EYA1: variants seen among roughly 807,000 people sequenced by gnomAD.
EYA1 encodes protein phosphatase EYA1.
A neutral mutation model predicts 82.0 loss-of-function variants in EYA1; 16 were observed. The ratio of observed to expected loss-of-function variants is 0.20; its 90% CI spans 0.13 to 0.30. The LOEUF is 0.30. EYA1 is among the 10% of genes least tolerant of loss of function. The pLI, the probability that EYA1 is intolerant of heterozygous loss-of-function variation, is 1.00. For synonymous variants in EYA1, 261 were observed against 264.4 expected (o/e 0.99, Z 0.12); for missense variants, 633 against 730.7 (o/e 0.87, Z 1.54).
intron 1 of EYA1, among the ~76,000 whole-genome samples, chr8:71,536,462 G>C (rs1814721779): frequency 6.6e-6 from 1 of 152,084 alleles, no homozygotes. Context: ...TCAAAACATG[G>C]ACAGTAAATG....
chr8:71,465,759 G>GCA (rs1489594979), intron 2 of EYA1, among the ~76,000 whole-genome samples: 2 of 152,136 alleles, frequency 1.3e-5, no homozygotes, highest in Non-Finnish European at 2.9e-5. Context: ...AATTCGTGTT[G>GCA]AAATTTAATT....
intron 9 of EYA1, among the ~76,000 whole-genome samples, chr8:71,295,659 G>T (rs1033245558): frequency 6.6e-6 from 1 of 152,198 alleles, no homozygotes; most frequent in African/African-American, 2.4e-5. Flanking sequence ...TGATTTGGAA[G>T]TTTCTTCTAA....
At chr8:71,441,640 C>A (rs994709110) in intron 2 of EYA1, among the ~76,000 whole-genome samples, 2 of 152,166 alleles carry the variant, frequency 1.3e-5, no homozygotes, top group African/African-American at 4.8e-5. Context: ...CCCAGTTTCT[C>A]TACTTGTTAA....
At chr8:71,381,380 G>A (rs888087392) in intron 2 of EYA1, among the ~76,000 whole-genome samples, 3 of 152,218 alleles carry the variant, frequency 2.0e-5, no homozygotes, top group Admixed American at 1.3e-4. Flanking sequence ...GTCAGTCTCT[G>A]CATTAACCTC....
chr8:71,263,917 C>T (rs566161641), intron 11 of EYA1, among the ~76,000 whole-genome samples: 2 of 152,234 alleles, frequency 1.3e-5, no homozygotes, highest in Non-Finnish European at 2.9e-5. Context: ...AAGACATGAA[C>T]ATTATATAAA....
At chr8:71,451,233 C>T (rs1216184985) in intron 2 of EYA1, among the ~76,000 whole-genome samples, 2 of 152,020 alleles carry the variant, frequency 1.3e-5, no homozygotes, top group African/African-American at 2.4e-5. Flanking sequence ...TGGAATAATT[C>T]CTAATGTACA....
intron 2 of EYA1, among the ~76,000 whole-genome samples, chr8:71,524,455 G>A (rs180899581): frequency 6.6e-6 from 1 of 152,244 alleles, no homozygotes; most frequent in Admixed American, 6.5e-5. Context: ...TTTTAGGCTT[G>A]TAAAATATGA....
intron 11 of EYA1, among the ~76,000 whole-genome samples, chr8:71,260,653 A>C (rs1814986538): frequency 6.6e-6 from 1 of 152,192 alleles, no homozygotes; most frequent in South Asian, 2.1e-4. Context: ...TGCTACCTAC[A>C]TTTTGAATTT....
At chr8:71,456,999 G>A (rs1416271254) in intron 2 of EYA1, among the ~76,000 whole-genome samples, 1 of 152,078 alleles carries the variant, frequency 6.6e-6, no homozygotes, top group Non-Finnish European at 1.5e-5. Context: ...GAAAATTTTT[G>A]CAATCTACTC....
upstream of EYA1, among the ~76,000 whole-genome samples, chr8:71,366,174 T>C (rs1586560541): frequency 2.0e-5 from 3 of 152,202 alleles, no homozygotes; most frequent in Admixed American, 2.0e-4. Context: ...TTATTCTTAA[T>C]AGAAACTTTA....
intron 17 of EYA1, among the ~76,000 whole-genome samples, chr8:71,205,001 C>T (rs919745988): frequency 1.3e-5 from 2 of 152,114 alleles, no homozygotes; most frequent in East Asian, 3.9e-4. Flanking sequence ...CCTTGATGTC[C>T]CACTTAAACT....
intron 9 of EYA1, among the ~76,000 whole-genome samples, chr8:71,292,737 T>G (rs1459447035): frequency 1.3e-5 from 2 of 151,938 alleles, no homozygotes; most frequent in East Asian, 1.9e-4. Flanking sequence ...ATTAAAATAT[T>G]GTGAAGTAAA....
chr8:71,290,999 A>G (rs1460043163), intron 9 of EYA1, among the ~76,000 whole-genome samples: 2 of 152,218 alleles, frequency 1.3e-5, no homozygotes, highest in Admixed American at 1.3e-4. Flanking sequence ...GAGCTGAACA[A>G]ATTGCAAACT....
At chr8:71,457,226 G>A (rs537234023) in intron 2 of EYA1, among the ~76,000 whole-genome samples, 39 of 152,154 alleles carry the variant, frequency 2.6e-4, no homozygotes, top group African/African-American at 7.5e-4. Flanking sequence ...ATCTCACACC[G>A]TCTAGAATGG....
At chr8:71,434,790 A>G (rs914782751) in intron 2 of EYA1, among the ~76,000 whole-genome samples, 2 of 152,178 alleles carry the variant, frequency 1.3e-5, no homozygotes, top group African/African-American at 4.8e-5. Context: ...ATCTAAGTGT[A>G]ATTTTTAGAA....
chr8:71,363,967 GAAT>G (rs1195290325), upstream of EYA1, among the ~76,000 whole-genome samples: 1 of 151,842 alleles, frequency 6.6e-6, no homozygotes, highest in African/African-American at 2.4e-5. Context: ...AAAACAGTGG[GAAT>G]ATTATGTAAA....
intron 11 of EYA1, among the ~76,000 whole-genome samples, chr8:71,255,882 C>A (rs1046924853): frequency 7.2e-5 from 11 of 151,884 alleles, no homozygotes; most frequent in Non-Finnish European, 1.5e-4. Context: ...AAAAAAAACC[C>A]TGATTTAAAA....
chr8:71,325,790 C>T (rs1337383971), intron 4 of EYA1, among the ~76,000 whole-genome samples: 1 of 152,120 alleles, frequency 6.6e-6, no homozygotes, highest in African/African-American at 2.4e-5. Flanking sequence ...ATCTTTTGGG[C>T]TTTCTTTAAA....
intron 11 of EYA1, among the ~76,000 whole-genome samples, chr8:71,255,061 C>T (rs569839713): frequency 1.1e-4 from 16 of 152,044 alleles, no homozygotes; most frequent in South Asian, 4.2e-4. Flanking sequence ...AACACTTGTA[C>T]GCTGAAAAAT....
Sources: gnomAD v4.1 joint callset for allele counts (sites outside exome capture counted in the v4.1 genomes callset) on GRCh38, gnomAD v4.1.1 for gene constraint, MANE v1.5 for transcripts, NCBI Gene and HGNC (gene_info 2026-07-23, HGNC 2026-07-21) for gene names.